PCLO: variants seen among roughly 807,000 people sequenced by gnomAD.
The protein encoded by PCLO is protein piccolo.
PCLO carries 82 observed loss-of-function variants against 427.5 expected under a neutral mutation model. The observed-to-expected ratio is 0.19, with a 90% CI of 0.16 to 0.23. The LOEUF is 0.23. PCLO is among the 10% of genes least tolerant of loss of function. The pLI is 1.00. For synonymous variants in PCLO, 2,357 were observed against 2,155.4 expected, an observed-to-expected ratio of 1.09 and a Z score of -2.59; for missense variants, 6,239 against 6,115.9, an observed-to-expected ratio of 1.02 and a Z score of -0.67.
chr7:82,813,165 A>G (rs17156713), intron 20 of PCLO, among the ~76,000 whole-genome samples: 4,869 of 151,782 alleles, frequency 0.032, 126 homozygotes, highest in East Asian at 0.13. Context: ...TATTATTCCA[A>G]TTTGGTCAAT....
At chr7:82,904,459 G>C (rs951770318) in intron 8 of PCLO, among the ~76,000 whole-genome samples, 1 of 151,306 alleles carries the variant, frequency 6.6e-6, no homozygotes, top group African/African-American at 2.4e-5. Flanking sequence ...TGAAAATTTT[G>C]TAACTGTTAG....
chr7:82,859,040 T>C (rs903175095), intron 10 of PCLO, among the ~76,000 whole-genome samples: 1 of 151,144 alleles, frequency 6.6e-6, no homozygotes, highest in Admixed American at 6.6e-5. Flanking sequence ...CAGGGAAGAG[T>C]GGGAAGGATT....
At chr7:83,065,976 T>C (rs1789661513) in intron 3 of PCLO, among the ~76,000 whole-genome samples, 1 of 152,094 alleles carries the variant, frequency 6.6e-6, no homozygotes, top group African/African-American at 2.4e-5. Context: ...CTTTCCTTAA[T>C]TGTATTCTGC....
chr7:83,050,277 A>ATTTT lies in PCLO; in HGVS notation c.3301-83791_3301-83790insAAAA, dbSNP rs1562939064. Among the ~76,000 whole-genome samples the ATTTT allele has an allele frequency of 4.1e-5, 6 of 146,858 alleles. No individual in the cohort carries two copies. The South Asian group carries it at 1.3e-3, about 32-fold the overall frequency. ...AAAAACTAGAAGTGCTTTTTAAAAA[A>ATTTT]AAAAAAAAAAAACAAAACCAAAAAA... On this transcript the variant is annotated intron_variant, in intron 3 of 24. Transcript: ENST00000333891.
intron 22 of PCLO, among the ~76,000 whole-genome samples, chr7:82,768,147 G>A (rs983263128): frequency 3.9e-5 from 6 of 152,094 alleles, no homozygotes; most frequent in African/African-American, 1.4e-4. Context: ...ATTAGGCTGG[G>A]GACGGTGGCT....
chr7:82,950,269 A>C lies in PCLO; in HGVS notation c.10319T>G (p.Ile3440Arg). ...MTDDPRSFKK[I>R]VDSGVQTDDE... ...ATCCGTTTGTACACCACTGTCCACT[A>C]TCTTTTTAAAACTTCGGGGATCATC... The change falls in exon 6 of 25, where the codon ATA (isoleucine) becomes AGA (arginine). Residue 3440 changes from isoleucine to arginine, a missense_variant. Physicochemically the swap from Ile to Arg is moderately conservative, Grantham distance 97. Coordinates refer to ENST00000333891, the MANE Select transcript of PCLO (RefSeq NM_033026.6). 1.2e-6 allele frequency: 2 copies of C among 1,613,246 alleles called. No homozygotes were observed. The highest frequency in any genetic ancestry group is 8.5e-7 in the Non-Finnish European group (1 of 1,179,758).
rs151235388 is a variant in PCLO, at chr7:82,929,457, T to C, written c.11113-12584A>G. Among the ~76,000 whole-genome samples the C allele has an allele frequency of 1.6e-4, 25 of 152,202 alleles. No homozygotes were observed. In the East Asian group the frequency reaches 4.8e-3, roughly 29 times the overall value. On this transcript the variant is annotated intron_variant, in intron 6 of 24. Coordinates refer to ENST00000333891, the MANE Select transcript of PCLO (RefSeq NM_033026.6). ...CAAGTTTAAGTACAATGTGATTTAT[T>C]TAAAGCTCAAATAAAAAAATCAAAA...
chr7:82,837,176 A>G (rs1173909520), intron 15 of PCLO, among the ~76,000 whole-genome samples: 1 of 152,108 alleles, frequency 6.6e-6, no homozygotes, highest in Non-Finnish European at 1.5e-5. Context: ...AGAAATAATT[A>G]TAATAGCTGG....
intron 3 of PCLO, among the ~76,000 whole-genome samples, chr7:83,019,282 C>G (rs375540325): frequency 6.6e-6 from 1 of 151,780 alleles, no homozygotes; most frequent in African/African-American, 2.4e-5. Context: ...AAATCTTTTG[C>G]GGGGTAGAGT....
intron 3 of PCLO, among the ~76,000 whole-genome samples, chr7:83,037,639 T>C (rs777338966): frequency 1.3e-5 from 2 of 150,002 alleles, no homozygotes; most frequent in African/African-American, 2.4e-5. Flanking sequence ...CAATTCTGAC[T>C]TTTTTTTTAT....
chr7:82,968,300 G>A (rs1795824588), intron 3 of PCLO, among the ~76,000 whole-genome samples: 1 of 152,230 alleles, frequency 6.6e-6, no homozygotes, highest in African/African-American at 2.4e-5. Flanking sequence ...GAAGTGAATT[G>A]TGTGCCTTCT....
At chr7:83,049,592 G>A (rs1333919919) in intron 3 of PCLO, among the ~76,000 whole-genome samples, 1 of 152,120 alleles carries the variant, frequency 6.6e-6, no homozygotes, top group East Asian at 1.9e-4. Flanking sequence ...TCTAGGGTCT[G>A]GGGGCTTTGT....
Position 83,155,054 on chromosome 7 carries a change from G to A in PCLO, c.1587C>T (p.Pro529=), listed in dbSNP as rs760023399. The change falls in exon 2 of 25, where the codon CCC becomes CCT. Residue 529 remains proline (P), a synonymous_variant. Coordinates refer to ENST00000333891, the MANE Select transcript of PCLO (RefSeq NM_033026.6). ...TTGCTGAGCCAGGCTGTTGAGATGG[G>A]GGTTTTGTTGAGCCAGGCTGTTGAG... The part of the protein sequence containing the change: ...PSPQQPGSTK[P]PSQQPGSAKP... 3.1e-6 allele frequency: 5 copies of A among 1,613,202 alleles called. No homozygotes were observed. Among genetic ancestry groups the A allele is most frequent in the Non-Finnish European group, 4.2e-6 (5 of 1,179,648 alleles).
Position 83,093,492 on chromosome 7 carries a change from A to ATATTT in PCLO, c.3300+40757_3300+40758insAAATA. Among the ~76,000 whole-genome samples the ATATTT allele has an allele frequency of 2.8e-3, 166 of 59,314 alleles. 3 individuals carry two copies. The highest frequency in any genetic ancestry group is 8.5e-3 in the African/African-American group (157 of 18,532). 38.9% of individuals were successfully genotyped at this position (59,314 alleles called of 152,430 possible). A position where few individuals can be genotyped will look rare whatever the true frequency, so the allele number is the denominator to read the frequency against. ...TGTGTGTATAGATATATATATATAT[A>ATATTT]TTTTTTTTTTTTTTTTTTGAGATGG... On this transcript the variant is annotated intron_variant, in intron 3 of 24. Coordinates refer to ENST00000333891, the MANE Select transcript of PCLO (RefSeq NM_033026.6).
In PCLO at chr7:83,162,719, C is replaced by G; in HGVS notation, c.-127G>C. 3 of 1,277,134 alleles carry G rather than the reference C, an allele frequency of 2.3e-6. No individual in the cohort carries two copies. Among genetic ancestry groups the G allele is most frequent in the South Asian group, 3.1e-5 (2 of 63,874 alleles). The allele number at this position is 1,277,134 out of a possible 1,614,324, so 79.1% of individuals were successfully genotyped here. A position where few individuals can be genotyped will look rare whatever the true frequency, so the allele number is the denominator to read the frequency against. ...GCGTGCAGGCAGCCGAGTCCCTGGA[C>G]TCTGGACCAGGCACTGCCGCCCGGA... On this transcript the variant is annotated 5_prime_UTR_variant, in exon 1 of 25. Transcript: ENST00000333891.
At chr7:83,001,993 A>G (rs1189266135) in intron 3 of PCLO, among the ~76,000 whole-genome samples, 1 of 151,960 alleles carries the variant, frequency 6.6e-6, no homozygotes, top group East Asian at 1.9e-4. Flanking sequence ...AGGTCCTATC[A>G]GGCTTCTTTG....
intron 22 of PCLO, among the ~76,000 whole-genome samples, chr7:82,771,650 C>T (rs1258932229): frequency 6.6e-6 from 1 of 152,064 alleles, no homozygotes; most frequent in Non-Finnish European, 1.5e-5. Flanking sequence ...AAAGGTCACA[C>T]AACTGGATTA....
At chr7:82,812,532 GAA>G (rs1791594320) in intron 20 of PCLO, among the ~76,000 whole-genome samples, 2 of 151,428 alleles carry the variant, frequency 1.3e-5, no homozygotes, top group Non-Finnish European at 3.0e-5. Flanking sequence ...AATAATGAAA[GAA>G]AGTTTGACTA....
At chr7:82,931,203 G>A (rs1794832827) in intron 6 of PCLO, among the ~76,000 whole-genome samples, 1 of 152,058 alleles carries the variant, frequency 6.6e-6, no homozygotes, top group Non-Finnish European at 1.5e-5. Context: ...ATTTATAAAT[G>A]AGTAAATTTA....
Sources: allele counts gnomAD v4.1 joint callset (sites outside exome capture counted in the v4.1 genomes callset), GRCh38; gene constraint gnomAD v4.1.1; transcripts MANE v1.5; gene names NCBI Gene and HGNC (gene_info 2026-07-23, HGNC 2026-07-21).